Variants in PRSS38 observed in about 807,000 individuals in gnomAD.
PRSS38 encodes the protein serine protease 38, also known as marapsin 2.
In PRSS38, 22 loss-of-function variants were observed where a neutral mutation model predicts 26.8. The ratio of observed to expected loss-of-function variants is 0.82; its 90% CI spans 0.59 to 1.17. The LOEUF is 1.17. Ranked by LOEUF, PRSS38 falls within the 50% of genes most tolerant of loss-of-function variation. The probability of loss-of-function intolerance (pLI) is 0.00; values close to 1 mark genes in which losing one functional copy is unlikely to be tolerated. For synonymous variants in PRSS38, 175 were observed against 172.1 expected, an observed-to-expected ratio of 1.02 and a Z score of -0.13; for missense variants, 427 against 422.7, an observed-to-expected ratio of 1.01 and a Z score of -0.09.
intron 3 of PRSS38, among the ~76,000 whole-genome samples, chr1:227,825,948 T>C (rs1438852742): frequency 6.6e-6 from 1 of 152,228 alleles, no homozygotes; most frequent in Non-Finnish European, 1.5e-5. Context: ...GGGAATAGTA[T>C]TGAATCTATA....
chr1:227,819,004 GA>G (rs1208063828), intron 3 of PRSS38, among the ~76,000 whole-genome samples: 1 of 152,106 alleles, frequency 6.6e-6, no homozygotes, highest in East Asian at 1.9e-4. Flanking sequence ...TATTTTTCTA[GA>G]AAGTTGTTCA....
Position 227,816,103 on chromosome 1 carries a change from C to T in PRSS38, c.162C>T (p.Pro54=). ...TTCTCCCTGCAGCCTGTGGTCGGCC[C>T]AGCATGGAGGGGAAAATCCTGGGCG... The change falls in exon 2 of 5, where the codon CCC becomes CCT. Residue 54 remains proline, a synonymous_variant. Coordinates refer to ENST00000366757, the Ensembl canonical transcript of PRSS38. This position sits in a 1 kb window ranked among gnomAD's most constrained non-coding sequence, Gnocchi z 5.1. 1.2e-6 allele frequency: 2 copies of T among 1,613,136 alleles called. No individual in the cohort carries two copies. The highest frequency in any genetic ancestry group is 1.1e-5 in the South Asian group (1 of 90,982).
chr1:227,822,397 ATTAC>A (rs1357698493), intron 3 of PRSS38, among the ~76,000 whole-genome samples: 2 of 151,804 alleles, frequency 1.3e-5, no homozygotes, highest in African/African-American at 4.8e-5. Context: ...TGTTGTTATT[ATTAC>A]TATTATTGAA....
intron 3 of PRSS38, among the ~76,000 whole-genome samples, chr1:227,836,117 G>T (rs1024452078): frequency 6.7e-6 from 1 of 149,046 alleles, no homozygotes; most frequent in East Asian, 2.0e-4. Context: ...TTTTTTTTTC[G>T]AGACAAGGTC....
At chr1:227,823,859 A>G (rs1665034619) in intron 3 of PRSS38, among the ~76,000 whole-genome samples, 1 of 152,224 alleles carries the variant, frequency 6.6e-6, no homozygotes, top group Non-Finnish European at 1.5e-5. Flanking sequence ...CTTTATAGCT[A>G]TGCAAAACAG....
chr1:227,818,729 T>G (rs1403008728), intron 3 of PRSS38, among the ~76,000 whole-genome samples: 2 of 151,322 alleles, frequency 1.3e-5, no homozygotes, highest in Non-Finnish European at 2.9e-5. Flanking sequence ...GTCTAGAATT[T>G]TTTTTCTTAG....
rs558796341 is a variant in PRSS38, at chr1:227,843,890, C to T, written c.584-1580C>T. On this transcript the variant is annotated intron_variant, in intron 3 of 4. Coordinates refer to ENST00000366757, the Ensembl canonical transcript of PRSS38. The stretch of plus-strand genomic sequence containing the variant: ...TAAAAGTTAGCCGGGTGTGGTGGTG[C>T]GCACCTGTAATCCCAGCTACTCGGG... Among the ~76,000 whole-genome samples the T allele has an allele frequency of 1.1e-4, 16 of 151,738 alleles. 2 individuals are homozygous for T. Among genetic ancestry groups the T allele is most frequent in the Non-Finnish European group, 1.5e-4 (10 of 67,916 alleles).
chr1:227,828,254 C>G (rs1665102958), intron 3 of PRSS38, among the ~76,000 whole-genome samples: 1 of 152,142 alleles, frequency 6.6e-6, no homozygotes, highest in Admixed American at 6.5e-5. Context: ...TGTTAATTTT[C>G]TGTCTCAATG....
intron 3 of PRSS38, among the ~76,000 whole-genome samples, chr1:227,843,796 G>T (rs1022805829): frequency 6.7e-6 from 1 of 150,220 alleles, no homozygotes; most frequent in Non-Finnish European, 1.5e-5. Context: ...GAGGCAGGTG[G>T]ATCACCTGAG....
At chr1:227,833,293 C>T (rs1057505506) in intron 3 of PRSS38, among the ~76,000 whole-genome samples, 2 of 152,082 alleles carry the variant, frequency 1.3e-5, no homozygotes, top group Admixed American at 6.5e-5. Flanking sequence ...TTTGGGAGGC[C>T]GAGGTGGGCA....
intron 3 of PRSS38, among the ~76,000 whole-genome samples, chr1:227,823,182 A>G (rs1665026836): frequency 6.6e-6 from 1 of 152,146 alleles, no homozygotes; most frequent in South Asian, 2.1e-4. Flanking sequence ...AGTGAGAAGA[A>G]GCATTATTTG....
intron 3 of PRSS38, among the ~76,000 whole-genome samples, chr1:227,825,782 C>T (rs183923755): frequency 6.6e-6 from 1 of 152,202 alleles, no homozygotes; most frequent in East Asian, 1.9e-4. Flanking sequence ...GTTACTGTAG[C>T]CTTATAGTAT....
chr1:227,820,986 T>G (rs1240270291), intron 3 of PRSS38, among the ~76,000 whole-genome samples: 3 of 152,240 alleles, frequency 2.0e-5, no homozygotes, highest in Non-Finnish European at 4.4e-5. Flanking sequence ...TCATCCAAGT[T>G]ATCTCATTTG....
intron 3 of PRSS38, among the ~76,000 whole-genome samples, chr1:227,830,636 C>T (rs1016075247): frequency 7.3e-5 from 11 of 150,928 alleles, no homozygotes; most frequent in South Asian, 2.1e-4. Flanking sequence ...GGATTACAGG[C>T]GCCCACCACC....
At chr1:227,817,758 A>C (rs1393469115) in intron 3 of PRSS38, among the ~76,000 whole-genome samples, 1 of 152,232 alleles carries the variant, frequency 6.6e-6, no homozygotes, top group Admixed American at 6.5e-5. Flanking sequence ...TAAGATTGTA[A>C]ACGGAATTTA....
chr1:227,830,795 G>A lies in PRSS38; in HGVS notation c.583+13315G>A, dbSNP rs367905784. On this transcript the variant is annotated intron_variant, in intron 3 of 4. Transcript: ENST00000366757. ...GCTGGGATTACAGGCTTGAGCCACC[G>A]TGCCCGGCCTTAAGGTATCTAATTT... 8.2e-4 allele frequency among the ~76,000 whole-genome samples: 125 copies of A among 152,052 alleles called. 1 individual carries two copies. The highest frequency in any genetic ancestry group is 2.8e-3 in the African/African-American group (118 of 41,494).
chr1:227,831,461 G>A (rs974037506), intron 3 of PRSS38, among the ~76,000 whole-genome samples: 1 of 152,204 alleles, frequency 6.6e-6, no homozygotes, highest in African/African-American at 2.4e-5. Flanking sequence ...TGATCCATGT[G>A]TGTTTGGAAA....
At chr1:227,819,902 A>C (rs1664976765) in intron 3 of PRSS38, among the ~76,000 whole-genome samples, 1 of 152,062 alleles carries the variant, frequency 6.6e-6, no homozygotes, top group Non-Finnish European at 1.5e-5. Flanking sequence ...TATCCTGGCC[A>C]ACATGGTGAA....
chr1:227,845,208 G>A (rs1313450515), intron 3 of PRSS38, among the ~76,000 whole-genome samples: 8 of 148,858 alleles, frequency 5.4e-5, no homozygotes, highest in African/African-American at 2.0e-4. Context: ...CCTATGTGTG[G>A]TGGGGCTCCT....
Sources: allele counts gnomAD v4.1 joint callset (sites outside exome capture counted in the v4.1 genomes callset), GRCh38; gene constraint gnomAD v4.1.1; non-coding constraint Gnocchi (gnomAD v3.1); transcripts MANE v1.5; gene names NCBI Gene and HGNC (gene_info 2026-07-23, HGNC 2026-07-21).